Variants in SLC4A10 observed in about 807,000 individuals in gnomAD.
The protein encoded by SLC4A10 is sodium-driven chloride bicarbonate exchanger.
In SLC4A10, 42 loss-of-function variants were observed where a neutral mutation model predicts 137.7. That is an observed-to-expected ratio of 0.30 (90% CI 0.24 to 0.39). SLC4A10 has a LOEUF of 0.39. Among genes scored for constraint, SLC4A10 ranks in the 10% least tolerant of loss-of-function variants. The pLI is 1.00. For missense variants in SLC4A10, 925 were observed against 1,355.0 expected, an observed-to-expected ratio of 0.68 and a Z score of 4.98; for synonymous variants, 474 against 464.1, an observed-to-expected ratio of 1.02 and a Z score of -0.27.
chr2:161,863,699 C>A (rs2060567192), intron 6 of SLC4A10, among the ~76,000 whole-genome samples: 1 of 152,168 alleles, frequency 6.6e-6, no homozygotes, highest in Non-Finnish European at 1.5e-5. Context: ...TCCTAGCAAT[C>A]AACTTACTAT....
At chr2:161,762,709 G>A (rs184931790) in intron 1 of SLC4A10, among the ~76,000 whole-genome samples, 28 of 152,052 alleles carry the variant, frequency 1.8e-4, no homozygotes, top group Admixed American at 3.9e-4. Context: ...AAATCTGATC[G>A]TGAAAGTAAT....
chr2:161,755,857 G>A (rs62189045), intron 1 of SLC4A10, among the ~76,000 whole-genome samples: 1 of 148,998 alleles, frequency 6.7e-6, no homozygotes, highest in Non-Finnish European at 1.5e-5. Flanking sequence ...TGCAACCTCT[G>A]CCTCCCAGGT....
At chr2:161,769,849 G>T (rs1407731196) in intron 1 of SLC4A10, among the ~76,000 whole-genome samples, 1 of 151,476 alleles carries the variant, frequency 6.6e-6, no homozygotes, top group Non-Finnish European at 1.5e-5. Context: ...CATGACTCTT[G>T]TATTCACTAC....
intron 1 of SLC4A10, among the ~76,000 whole-genome samples, chr2:161,761,655 A>G (rs1015725864): frequency 2.6e-5 from 4 of 152,106 alleles, no homozygotes; most frequent in Non-Finnish European, 5.9e-5. Context: ...AACTTCTCAG[A>G]TACCTTTTAT....
At chr2:161,734,015 T>C (rs2047074043) in intron 1 of SLC4A10, among the ~76,000 whole-genome samples, 1 of 152,230 alleles carries the variant, frequency 6.6e-6, no homozygotes, top group South Asian at 2.1e-4. Flanking sequence ...CCCCATTGTA[T>C]CTAGGAAGTA....
chr2:161,775,657 T>C (rs62189059), intron 2 of SLC4A10, among the ~76,000 whole-genome samples: 10,100 of 151,918 alleles, frequency 0.066, 440 homozygotes, highest in East Asian at 0.15. Context: ...CGAGTTTCTA[T>C]AGGGACTCAG....
chr2:161,708,064 T>G (rs1472802348), intron 1 of SLC4A10, among the ~76,000 whole-genome samples: 1 of 151,442 alleles, frequency 6.6e-6, no homozygotes, highest in Non-Finnish European at 1.5e-5. Context: ...AAATATAAAA[T>G]GTATGTTGGT....
chr2:161,806,298 A>T (rs2055947769), intron 3 of SLC4A10, among the ~76,000 whole-genome samples: 1 of 152,052 alleles, frequency 6.6e-6, no homozygotes. Flanking sequence ...GACCTTTGAC[A>T]TGCCCTGGAG....
intron 1 of SLC4A10, among the ~76,000 whole-genome samples, chr2:161,716,821 T>A (rs2044960609): frequency 6.6e-6 from 1 of 151,974 alleles, no homozygotes; most frequent in Admixed American, 6.6e-5. Flanking sequence ...AATTTTAAAA[T>A]TTTTTTTCTA....
In SLC4A10 at chr2:161,819,117, A is replaced by G. The variant is rs940010454; in HGVS notation, c.277+14522A>G. On this transcript the variant is annotated intron_variant, in intron 3 of 26. Transcript: ENST00000446997. ...CTACTTTATTATGAGACCCAATCAT[A>G]GAATACAGTGTTGTTAAAACATCCT... is the stretch of plus-strand genomic sequence containing the variant. Among the ~76,000 whole-genome samples, 3 of 152,232 alleles carry G rather than the reference A, an allele frequency of 2.0e-5. No individual in the cohort carries two copies. The South Asian group carries it at 6.2e-4, about 31-fold the overall frequency.
rs1331405811 is a variant in SLC4A10 at position 161,691,528 on chromosome 2, A to G, written c.48+66962A>G. Reference sequence around the variant, plus strand: ...ACAGGATGGGTAGCCCATTTTCTATAATGTTATTATGTATTGTGTACCTAT... The same window carrying G: ...ACAGGATGGGTAGCCCATTTTCTATGATGTTATTATGTATTGTGTACCTAT... On this transcript the variant is annotated intron_variant, in intron 1 of 26. Coordinates refer to ENST00000446997, the MANE Select transcript of SLC4A10 (RefSeq NM_001178015.2). Among the ~76,000 whole-genome samples, 3 of 152,276 alleles carry G rather than the reference A, an allele frequency of 2.0e-5. No homozygotes were observed. The South Asian group carries it at 6.2e-4, about 32-fold the overall frequency.
At chr2:161,795,075 C>G (rs1392801741) in intron 2 of SLC4A10, among the ~76,000 whole-genome samples, 1 of 151,762 alleles carries the variant, frequency 6.6e-6, no homozygotes, top group Non-Finnish European at 1.5e-5. Flanking sequence ...CTGATGAAAA[C>G]AGATGAAGTA....
At chr2:161,859,594 C>CTTTTTTTTTTTTTTTTTTTTT (rs72003642) in intron 5 of SLC4A10, among the ~76,000 whole-genome samples, 5 of 47,278 alleles carry the variant, frequency 1.1e-4, no homozygotes, top group Non-Finnish European at 1.5e-4. Context: ...CTTTTCTTTT[C>CTTTTTTTTTTTTTTTTTTTTT]TTTTTTTTTT....
At position 161,905,807 on chromosome 2, in the gene SLC4A10, G is replaced by A. The variant is rs1376358027; in HGVS notation, c.1917G>A (p.Glu639=). ...TGATTTGCATCATTTTCATTTATGA[G>A]GCCCTGGAGAAGTTGTTTGAACTCA... ...ASLICIIFIY[E]ALEKLFELSE... Residue 639 remains glutamate, a synonymous_variant, in exon 15 of 27, where the codon GAG becomes GAA. Transcript: ENST00000446997. 3 of 1,613,814 alleles carry A rather than the reference G, an allele frequency of 1.9e-6. No individual in the cohort carries two copies. Among genetic ancestry groups the A allele is most frequent in the African/African-American group, 2.7e-5 (2 of 74,916 alleles).
At chr2:161,678,288 A>T (rs947051949) in intron 1 of SLC4A10, among the ~76,000 whole-genome samples, 8 of 152,164 alleles carry the variant, frequency 5.3e-5, no homozygotes, top group African/African-American at 1.9e-4. Flanking sequence ...CTCCTAAGAG[A>T]TAAACAAAAT....
chr2:161,810,099 G>C (rs967988387), intron 3 of SLC4A10, among the ~76,000 whole-genome samples: 1 of 151,444 alleles, frequency 6.6e-6, no homozygotes, highest in Non-Finnish European at 1.5e-5. Context: ...TCACCTCTTT[G>C]GTTAGATGTA....
chr2:161,814,466 A>T (rs374297106), intron 3 of SLC4A10, among the ~76,000 whole-genome samples: 7 of 152,268 alleles, frequency 4.6e-5, no homozygotes, highest in African/African-American at 1.7e-4. Context: ...ATCAAAAGGC[A>T]CATGGACACG....
chr2:161,672,178 T>C (rs1160107413), intron 1 of SLC4A10, among the ~76,000 whole-genome samples: 2 of 152,174 alleles, frequency 1.3e-5, no homozygotes, highest in Non-Finnish European at 2.9e-5. Context: ...CAAAATGACA[T>C]GGTCTAAACT....
intron 2 of SLC4A10, among the ~76,000 whole-genome samples, chr2:161,793,315 C>G (rs1197305018): frequency 1.3e-5 from 2 of 152,060 alleles, no homozygotes; most frequent in African/African-American, 4.8e-5. Context: ...CTTATCCACT[C>G]TCACTATTTT....
Sources: gnomAD v4.1 joint callset for allele counts (sites outside exome capture counted in the v4.1 genomes callset) on GRCh38, gnomAD v4.1.1 for gene constraint, MANE v1.5 for transcripts, NCBI Gene and HGNC (gene_info 2026-07-23, HGNC 2026-07-21) for gene names.